MMP19: variants seen among roughly 807,000 people sequenced by gnomAD.
MMP19 encodes the protein matrix metalloproteinase-19.
Under a neutral mutation model 46.6 loss-of-function variants are expected in MMP19, and 47 were observed. The observed-to-expected ratio is 1.01, with a 90% confidence interval of 0.80 to 1.29. MMP19 has a LOEUF of 1.29. MMP19 is among the 50% of genes most tolerant of loss of function. The probability of loss-of-function intolerance (pLI) is 0.00; values close to 1 mark genes in which losing one functional copy is unlikely to be tolerated. For missense variants in MMP19, 589 were observed against 643.5 expected, an observed-to-expected ratio of 0.92 and a Z score of 0.92; for synonymous variants, 222 against 248.5, an observed-to-expected ratio of 0.89 and a Z score of 1.00.
In MMP19 at chr12:55,840,757, A is replaced by C; in HGVS notation, c.430T>G (p.Phe144Val). The change falls in exon 4 of 9, where the codon TTC (phenylalanine) becomes GTC (valine). Residue 144 changes from phenylalanine to valine, a missense_variant. Transcript: ENST00000322569. ...QDWSNVAPLT[F>V]QEVQAGAADI... is the part of the protein sequence containing the mutation. ...GCCGCACCAGCCTGCACCTCTTGGAAGGTCAAGGGAGCCACATTGCTCCAG... is the reference window on the plus strand; with the variant it reads ...GCCGCACCAGCCTGCACCTCTTGGACGGTCAAGGGAGCCACATTGCTCCAG... The C allele has an allele frequency of 6.2e-7, 1 of 1,614,100 alleles. No individual in the cohort carries two copies. Among genetic ancestry groups the C allele is most frequent in the Non-Finnish European group, 8.5e-7 (1 of 1,179,986 alleles).
Position 55,835,917 on chromosome 12 carries a change from A to G in MMP19, c.*1119T>C, listed in dbSNP as rs1881179025. 1.3e-5 allele frequency: 2 copies of G among 152,288 alleles called. No homozygotes were observed. 9.4% of individuals were successfully genotyped at this position (152,288 alleles called of 1,614,324 possible). A position where few individuals can be genotyped will look rare whatever the true frequency, so the allele number is the denominator to read the frequency against. On this transcript the variant is annotated 3_prime_UTR_variant, in exon 9 of 9. Coordinates refer to ENST00000322569, the MANE Select transcript of MMP19 (RefSeq NM_002429.6). Reference sequence around the variant, plus strand: ...CCTGCCTCAGGACCTGCCTTCCCCAAAAGCTGGCTTCTTGCTCCAAGGAGA... The same window carrying G: ...CCTGCCTCAGGACCTGCCTTCCCCAGAAGCTGGCTTCTTGCTCCAAGGAGA...
Position 55,837,004 on chromosome 12 carries a change from T to G in MMP19, c.*32A>C. On this transcript the variant is annotated 3_prime_UTR_variant, in exon 9 of 9. Coordinates refer to ENST00000322569, the MANE Select transcript of MMP19 (RefSeq NM_002429.6). ...GGGTGGGTGGTGGAGCCTCAGGGGT[T>G]AATGTCCAAGATTGTGTCTGTGGGT... 2 of 1,519,248 alleles carry G rather than the reference T, an allele frequency of 1.3e-6. No homozygotes were observed. The highest frequency in any genetic ancestry group is 1.8e-6 in the Non-Finnish European group (2 of 1,128,150). 94.1% of individuals were successfully genotyped at this position (1,519,248 alleles called of 1,614,324 possible). A position where few individuals can be genotyped will look rare whatever the true frequency, so the allele number is the denominator to read the frequency against.
chr12:55,839,362 A>G (rs1881502496), intron 5 of MMP19, 134 bp downstream of exon 5: 1 of 1,133,546 alleles, frequency 8.8e-7, no homozygotes, highest in Non-Finnish European at 1.2e-6. Context: ...CTGAAAATGA[A>G]GAAGCCTGAG....
In MMP19 at chr12:55,837,273, C is replaced by T. The variant is rs143252261; in HGVS notation, c.1290G>A (p.Ser430=). 1.6e-5 allele frequency: 26 copies of T among 1,613,994 alleles called. No individual in the cohort carries two copies. The Admixed American group carries it at 1.7e-4, about 10-fold the overall frequency. ...GGCCATCTTGCCAACTCATAGCAGC[C>T]GAGGGCTGGTTTGGCACTCCCGTAA... ...GLFTGVPNQP[S]AAMSWQDGRV... is the part of the protein sequence containing the mutation. Residue 430 remains serine (S), a synonymous_variant, in exon 9 of 9, where the codon TCG becomes TCA. Coordinates refer to ENST00000322569, the MANE Select transcript of MMP19 (RefSeq NM_002429.6).
Position 55,837,665 on chromosome 12 carries a change from A to G in MMP19, c.1078T>C (p.Tyr360His), listed in dbSNP as rs1231234562. Reference sequence around the variant, plus strand: ...CCAGGAGACATCTTGAAATTAATGTAGCGCCACACCTTGTCTCCTGAGAGC... The same window carrying G: ...CCAGGAGACATCTTGAAATTAATGTGGCGCCACACCTTGTCTCCTGAGAGC... ...HFFKGDKVWRYINFKMSPGFP... is the reference protein window; with the variant it reads ...HFFKGDKVWRHINFKMSPGFP... The change falls in exon 8 of 9, where the codon TAC becomes CAC. Residue 360 changes from tyrosine to histidine, a missense_variant. Physicochemically the swap from Tyr to His is moderately conservative, Grantham distance 83. Transcript: ENST00000322569. The G allele has an allele frequency of 1.2e-6, 2 of 1,614,064 alleles. No individual in the cohort carries two copies. The highest frequency in any genetic ancestry group is 1.7e-6 in the Non-Finnish European group (2 of 1,180,048).
chr12:55,836,872 C>A lies in MMP19; in HGVS notation c.*164G>T. 1.6e-6 allele frequency: 1 copy of A among 611,814 alleles called. No individual in the cohort carries two copies. Among genetic ancestry groups the A allele is most frequent in the Non-Finnish European group, 2.8e-6 (1 of 362,438 alleles). 37.9% of individuals were successfully genotyped at this position (611,814 alleles called of 1,614,324 possible). A position where few individuals can be genotyped will look rare whatever the true frequency, so the allele number is the denominator to read the frequency against. On this transcript the variant is annotated 3_prime_UTR_variant, in exon 9 of 9. Transcript: ENST00000322569. ...TGGCTGGAGTTGGAAGTGTTAGAGG[C>A]CTGAGATCTACGGTCTTGCGCCTGC... is the stretch of plus-strand genomic sequence containing the variant.
At chr12:55,838,473 C>T (rs1267596329) in intron 6 of MMP19, 133 bp downstream of exon 6, 1 of 1,599,316 alleles carries the variant, frequency 6.3e-7, no homozygotes, top group East Asian at 2.2e-5. Context: ...TGTCTCCTTC[C>T]ATGGTCATTA....
rs538118420 is a variant in MMP19 at position 55,840,735 on chromosome 12, G to A, written c.452C>T (p.Ala151Val). The A allele has an allele frequency of 7.6e-5, 122 of 1,614,024 alleles. No homozygotes were observed. The Admixed American group carries it at 1.3e-3, about 18-fold the overall frequency. ...PLTFQEVQAG[A>V]ADIRLSFHGR... ...ATGGAAGGAGAGGCGGATGTCAGCCGCACCAGCCTGCACCTCTTGGAAGGT... is the reference window on the plus strand; with the variant it reads ...ATGGAAGGAGAGGCGGATGTCAGCCACACCAGCCTGCACCTCTTGGAAGGT... The change falls in exon 4 of 9, where the codon GCG becomes GTG. Residue 151 changes from alanine to valine, a missense_variant. Physicochemically the swap from Ala to Val is moderately conservative, Grantham distance 64. Transcript: ENST00000322569.
chr12:55,842,046 C>T (rs1361565039), intron 2 of MMP19, among the ~76,000 whole-genome samples: 1 of 152,174 alleles, frequency 6.6e-6, no homozygotes, highest in Admixed American at 6.5e-5. Context: ...ATGTCAACAA[C>T]TCAACTCAGT....
At chr12:55,837,745 C>A in intron 7 of MMP19, 63 bp from the exon 8 acceptor site, 1 of 1,607,510 alleles carries the variant, frequency 6.2e-7, no homozygotes. Context: ...TTGGTCTCCT[C>A]CGGTCCACCT....
intron 2 of MMP19, among the ~76,000 whole-genome samples, chr12:55,841,739 C>T (rs1881719108): frequency 6.6e-6 from 1 of 152,084 alleles, no homozygotes; most frequent in African/African-American, 2.4e-5. Flanking sequence ...AATTTCTAAC[C>T]TTCTCCTACT....
chr12:55,841,070 C>A (rs1229070594), intron 3 of MMP19, 36 bp downstream of exon 3: 1 of 1,601,084 alleles, frequency 6.2e-7, no homozygotes, highest in Admixed American at 1.7e-5. Flanking sequence ...CACATCACCC[C>A]CTCCTCTCCC....
chr12:55,837,467 A>G, intron 8 of MMP19, 88 bp downstream of exon 8: 2 of 1,591,436 alleles, frequency 1.3e-6, no homozygotes, highest in Middle Eastern at 1.8e-4. Flanking sequence ...GCTGCAGAAC[A>G]TCTCCCTTCA....
rs567783555 is a variant in MMP19, at chr12:55,838,631, A to G, written c.870T>C (p.Ser290=). The change falls in exon 6 of 9, where the codon AGT becomes AGC. Residue 290 remains serine, a synonymous_variant. Coordinates refer to ENST00000322569, the MANE Select transcript of MMP19 (RefSeq NM_002429.6). Reference sequence around the variant, plus strand: ...CCAGCATCATGGCATCCAGTTCACTACTGCAAGGGTCTGGCATGGGACTGG... The same window carrying G: ...CCAGCATCATGGCATCCAGTTCACTGCTGCAAGGGTCTGGCATGGGACTGG... ...TEPSPMPDPC[S]SELDAMMLGP... is the part of the protein sequence containing the mutation. 4.3e-6 allele frequency: 7 copies of G among 1,614,202 alleles called. No homozygotes were observed. The highest frequency in any genetic ancestry group is 1.7e-5 in the Admixed American group (1 of 60,018).
rs770211626 is a variant in MMP19 at position 55,837,940 on chromosome 12, G to A, written c.963C>T (p.Gly321=). The change falls in exon 7 of 9, where the codon GGC becomes GGT. Residue 321 remains glycine (G), a synonymous_variant. Transcript: ENST00000322569. ...YVWTVSDSGP[G]PLFRVSALWE... is the part of the protein sequence containing the mutation. ...AAAGGGCAGACACTCGGAACAAGGGGCCCGGTCCTGAATCTGATACAGTCC... is the reference window on the plus strand; with the variant it reads ...AAAGGGCAGACACTCGGAACAAGGGACCCGGTCCTGAATCTGATACAGTCC... The A allele has an allele frequency of 6.2e-6, 10 of 1,612,790 alleles. No individual in the cohort carries two copies. Among genetic ancestry groups the A allele is most frequent in the African/African-American group, 2.7e-5 (2 of 75,018 alleles).
rs750032895 is a variant in MMP19 at position 55,840,691 on chromosome 12, A to G, written c.496T>C (p.Cys166Arg). The change falls in exon 4 of 9, where the codon TGT (cysteine) becomes CGT (arginine). Residue 166 changes from cysteine to arginine, a missense_variant. Transcript: ENST00000322569. ...LSFHGRQSSY[C>R]SNTFDGPGRV... ...CCAGGCCCATCAAAAGTATTGGAAC[A>G]GTACGAGCTTTGGCGGCCATGGAAG... The G allele has an allele frequency of 1.9e-6, 3 of 1,614,046 alleles. No individual in the cohort carries two copies. The highest frequency in any genetic ancestry group is 2.5e-6 in the Non-Finnish European group (3 of 1,179,978).
At chr12:55,840,592 T>C in intron 4 of MMP19, 75 bp downstream of exon 4, 1 of 1,444,794 alleles carries the variant, frequency 6.9e-7, no homozygotes, top group Non-Finnish European at 9.5e-7. Context: ...ACATCAAGGT[T>C]CTAGAGTCAC....
intron 6 of MMP19, chr12:55,838,262 T>C: frequency 1.6e-6 from 1 of 621,910 alleles, no homozygotes. Flanking sequence ...CTTAGGAACC[T>C]CACCCTCCCC....
Position 55,842,921 on chromosome 12 carries a change from T to C in MMP19, c.-91A>G, listed in dbSNP as rs1881805387. 2.1e-6 allele frequency: 2 copies of C among 956,710 alleles called. No homozygotes were observed. Among genetic ancestry groups the C allele is most frequent in the Non-Finnish European group, 3.2e-6 (2 of 621,898 alleles). 59.3% of individuals were successfully genotyped at this position (956,710 alleles called of 1,614,324 possible). A position where few individuals can be genotyped will look rare whatever the true frequency, so the allele number is the denominator to read the frequency against. The stretch of plus-strand genomic sequence containing the variant: ...GGGGAGCAGTGCTAGGCAGAGGGGC[T>C]CTTACCCCCAGTTCTTTTTACTCTC... On this transcript the variant is annotated 5_prime_UTR_variant, in exon 1 of 9. Coordinates refer to ENST00000322569, the MANE Select transcript of MMP19 (RefSeq NM_002429.6).
Sources: gnomAD v4.1 joint callset for allele counts (sites outside exome capture counted in the v4.1 genomes callset) on GRCh38, gnomAD v4.1.1 for gene constraint, MANE v1.5 for transcripts, NCBI Gene and HGNC (gene_info 2026-07-23, HGNC 2026-07-21) for gene names.